Variants in RAB30 observed in about 807,000 individuals in gnomAD.
RAB30 encodes the protein ras-related protein Rab-30.
RAB30 carries 9 observed loss-of-function variants against 25.1 expected under a neutral mutation model. That is an observed-to-expected ratio of 0.36 (90% CI 0.22 to 0.63). RAB30 has a LOEUF of 0.63. RAB30 is among the 20% of genes least tolerant of loss of function. The pLI, the probability that RAB30 is intolerant of heterozygous loss-of-function variation, is 0.69. For synonymous variants in RAB30, 77 were observed against 86.4 expected (o/e 0.89, Z 0.60); for missense variants, 140 against 243.5 (o/e 0.58, Z 2.83).
At chr11:83,012,092 T>C (rs1363965889) in intron 1 of RAB30, among the ~76,000 whole-genome samples, 3 of 152,154 alleles carry the variant, frequency 2.0e-5, no homozygotes, top group Non-Finnish European at 4.4e-5. Context: ...CACAAACTGA[T>C]GATTCATCTA....
intron 1 of RAB30, among the ~76,000 whole-genome samples, chr11:83,019,260 A>G (rs1193767349): frequency 1.3e-5 from 2 of 152,188 alleles, no homozygotes; most frequent in African/African-American, 4.8e-5. Context: ...TCCTGACCTC[A>G]AGTGATCCGT....
chr11:83,038,562 T>G (rs1209059976), intron 1 of RAB30, among the ~76,000 whole-genome samples: 1 of 152,162 alleles, frequency 6.6e-6, no homozygotes, highest in African/African-American at 2.4e-5. Flanking sequence ...GGCGCACACC[T>G]GTAATCCCAG....
chr11:83,008,319 A>G (rs1857230477), intron 1 of RAB30, among the ~76,000 whole-genome samples: 1 of 152,342 alleles, frequency 6.6e-6, no homozygotes, highest in Non-Finnish European at 1.5e-5. Flanking sequence ...TCAGCTGTTC[A>G]GATTCCCTCC....
chr11:82,981,954 A>C lies in RAB30; in HGVS notation c.*211T>G. On this transcript the variant is annotated 3_prime_UTR_variant, in exon 5 of 5. Coordinates refer to ENST00000527633, the MANE Select transcript of RAB30 (RefSeq NM_001286060.2). Reference sequence around the variant, plus strand: ...CCTAGTGCAATTTTCTCCTTGCTCCAACTCCAGACTGGAAAAGGGTGAAAC... The same window carrying C: ...CCTAGTGCAATTTTCTCCTTGCTCCCACTCCAGACTGGAAAAGGGTGAAAC... 1.6e-6 allele frequency: 1 copy of C among 613,616 alleles called. No homozygotes were observed. Among genetic ancestry groups the C allele is most frequent in the East Asian group, 2.9e-5 (1 of 34,536 alleles). The allele number at this position is 613,616 out of a possible 1,614,324, so 38.0% of individuals were successfully genotyped here.
intron 1 of RAB30, among the ~76,000 whole-genome samples, chr11:83,017,908 C>G (rs994508958): frequency 1.3e-5 from 2 of 152,202 alleles, no homozygotes; most frequent in Non-Finnish European, 2.9e-5. Flanking sequence ...AGTGGCATTG[C>G]TGGATCAAAT....
intron 1 of RAB30, among the ~76,000 whole-genome samples, chr11:83,023,932 G>C (rs1857647461): frequency 6.6e-6 from 1 of 152,054 alleles, no homozygotes; most frequent in Admixed American, 6.6e-5. Context: ...CCCATACAGA[G>C]GTCAGAGTCT....
At chr11:82,983,059 A>C (rs1856672091) in intron 4 of RAB30, among the ~76,000 whole-genome samples, 1 of 151,046 alleles carries the variant, frequency 6.6e-6, no homozygotes, top group African/African-American at 2.4e-5. Context: ...ACTGTTAACC[A>C]AAAAAAAAGC....
At chr11:82,999,371 C>T (rs980134696) in intron 1 of RAB30, among the ~76,000 whole-genome samples, 1 of 152,208 alleles carries the variant, frequency 6.6e-6, no homozygotes, top group Non-Finnish European at 1.5e-5. Context: ...GCTGCACTGA[C>T]CTTCTAAGCC....
At position 82,981,617 on chromosome 11, in the gene RAB30, AT is replaced by A. The variant is rs1289981794; in HGVS notation, c.*547del. ...TGGTCATGGGTAAAGGTTTCATTTC[AT>A]TTTTACATCCCAAAGTTCTTGAAAG... On this transcript the variant is annotated 3_prime_UTR_variant, in exon 5 of 5. Coordinates refer to ENST00000527633, the MANE Select transcript of RAB30 (RefSeq NM_001286060.2). 1 of 153,304 alleles carries A rather than the reference AT, an allele frequency of 6.5e-6. No individual in the cohort carries two copies. Among genetic ancestry groups the A allele is most frequent in the Non-Finnish European group, 1.5e-5 (1 of 68,598 alleles). The allele number at this position is 153,304 out of a possible 1,614,324, so 9.5% of individuals were successfully genotyped here. A position where few individuals can be genotyped will look rare whatever the true frequency, so the allele number is the denominator to read the frequency against.
intron 1 of RAB30, among the ~76,000 whole-genome samples, chr11:83,068,697 T>C (rs1858763753): frequency 6.6e-6 from 1 of 152,224 alleles, no homozygotes; most frequent in Non-Finnish European, 1.5e-5. Flanking sequence ...CTTTGAACTT[T>C]GAACATGAAG....
chr11:83,035,359 G>C (rs991336372), intron 1 of RAB30: 2 of 152,116 alleles, frequency 1.3e-5, no homozygotes, highest in Non-Finnish European at 2.9e-5. Flanking sequence ...ATCTTCAGTG[G>C]AGGCACAGTA....
intron 4 of RAB30, among the ~76,000 whole-genome samples, chr11:82,982,796 A>G (rs1856666911): frequency 6.6e-6 from 1 of 152,174 alleles, no homozygotes. Flanking sequence ...CCAGAGGCAG[A>G]GGTTGCAGTG....
At chr11:83,065,211 C>T (rs1385220710) in intron 1 of RAB30, among the ~76,000 whole-genome samples, 1 of 151,732 alleles carries the variant, frequency 6.6e-6, no homozygotes, top group Non-Finnish European at 1.5e-5. Context: ...AACATAGTGA[C>T]AGTTTGTCTC....
chr11:83,014,603 C>CTGAGAGAG (rs1857374137), intron 1 of RAB30, among the ~76,000 whole-genome samples: 1 of 134,666 alleles, frequency 7.4e-6, no homozygotes, highest in Admixed American at 7.8e-5. Context: ...GAGGCAGAGG[C>CTGAGAGAG]AGAGAGAGAC....
Position 82,975,037 on chromosome 11 carries a change from C to T in RAB30, c.*7128G>A, listed in dbSNP as rs1278850868. 2.0e-5 allele frequency: 3 copies of T among 150,596 alleles called. No individual in the cohort carries two copies. Among genetic ancestry groups the T allele is most frequent in the Non-Finnish European group, 4.4e-5 (3 of 67,790 alleles). The allele number at this position is 150,596 out of a possible 1,614,324, so 9.3% of individuals were successfully genotyped here. A position where few individuals can be genotyped will look rare whatever the true frequency, so the allele number is the denominator to read the frequency against. ...GCTCCCTTATATACTATCAAAGGAG[C>T]TCCAACCATCTGGTATGTCTGGAAG... On this transcript the variant is annotated 3_prime_UTR_variant, in exon 5 of 5. Transcript: ENST00000527633.
At chr11:83,053,396 C>T (rs957284479) in intron 1 of RAB30, among the ~76,000 whole-genome samples, 1 of 152,202 alleles carries the variant, frequency 6.6e-6, no homozygotes, top group Non-Finnish European at 1.5e-5. Context: ...CCTCAACCTC[C>T]ACTTCAATTT....
chr11:82,988,295 C>T (rs1187733594), intron 3 of RAB30, among the ~76,000 whole-genome samples: 1 of 152,208 alleles, frequency 6.6e-6, no homozygotes, highest in Non-Finnish European at 1.5e-5. Context: ...TTCTTACTCA[C>T]AATGCCATAT....
intron 1 of RAB30, among the ~76,000 whole-genome samples, chr11:83,058,832 T>C (rs1844843799): frequency 6.6e-6 from 1 of 152,254 alleles, no homozygotes; most frequent in African/African-American, 2.4e-5. Flanking sequence ...CAAGATCGTG[T>C]AGCATGAAAA....
intron 3 of RAB30, among the ~76,000 whole-genome samples, chr11:82,992,038 T>C (rs1165616665): frequency 1.3e-5 from 2 of 152,192 alleles, no homozygotes; most frequent in Admixed American, 6.5e-5. Context: ...TGGAAGGTAG[T>C]AGGCACTAAA....
Sources: allele counts gnomAD v4.1 joint callset (sites outside exome capture counted in the v4.1 genomes callset), GRCh38; gene constraint gnomAD v4.1.1; transcripts MANE v1.5; gene names NCBI Gene and HGNC (gene_info 2026-07-23, HGNC 2026-07-21).